MGAT5B: variants seen among roughly 807,000 people sequenced by gnomAD.
The protein encoded by MGAT5B is alpha-1,6-mannosylglycoprotein 6-beta-N-acetylglucosaminyltransferase B.
MGAT5B carries 54 observed loss-of-function variants against 95.1 expected under a neutral mutation model. That is an observed-to-expected ratio of 0.57 (90% confidence interval 0.46 to 0.71). The LOEUF (loss-of-function observed/expected upper bound fraction) is 0.71, where lower values mean the gene tolerates loss of function less well. Ranked by LOEUF, MGAT5B falls within the 30% of genes least tolerant of loss-of-function variation. MGAT5B has a pLI of 0.00. For synonymous variants in MGAT5B, 464 were observed against 451.0 expected (o/e 1.03, Z -0.36); for missense variants, 935 against 1,088.6 (o/e 0.86, Z 1.99).
chr17:76,875,096 A>G (rs985584752), intron 2 of MGAT5B, among the ~76,000 whole-genome samples: 5 of 152,196 alleles, frequency 3.3e-5, no homozygotes, highest in Non-Finnish European at 7.3e-5. Flanking sequence ...CTTCACAGTC[A>G]TTACTCACCC....
In MGAT5B at chr17:76,916,866, C is replaced by A. The variant is rs1330301919; in HGVS notation, c.1026-8100C>A. Among the ~76,000 whole-genome samples the A allele has an allele frequency of 6.6e-6, 1 of 152,090 alleles. No homozygotes were observed. Among genetic ancestry groups the A allele is most frequent in the Non-Finnish European group, 1.5e-5 (1 of 67,998 alleles). ...GTGGCAGTGGACGAGCTTCAGGAAC[C>A]ATCTGTCAGGGAGACTGGAAGGAGC... On this transcript the variant is annotated intron_variant, in intron 8 of 17. Coordinates refer to ENST00000569840, the MANE Select transcript of MGAT5B (RefSeq NM_001199172.2). This position sits in a 1 kb window ranked among gnomAD's most constrained non-coding sequence, Gnocchi z 5.3.
At chr17:76,942,603 T>C (rs1969896490) in intron 15 of MGAT5B, among the ~76,000 whole-genome samples, 1 of 152,168 alleles carries the variant, frequency 6.6e-6, no homozygotes, top group Non-Finnish European at 1.5e-5. Flanking sequence ...ATTTGACTGG[T>C]ACCAGCTTAT....
Position 76,883,201 on chromosome 17 carries a change from T to C in MGAT5B, c.329+903T>C, listed in dbSNP as rs1967500278. On this transcript the variant is annotated intron_variant, in intron 3 of 17. Transcript: ENST00000569840. ...TTTTAGTAGAGATGGGGTTTCACCA[T>C]GTTGGCCAGGCTGGTCTCGAACTCC... Among the ~76,000 whole-genome samples, 3 of 152,014 alleles carry C rather than the reference T, an allele frequency of 2.0e-5. No homozygotes were observed. In the South Asian group the frequency reaches 6.2e-4, roughly 32 times the overall value.
chr17:76,882,235 C>G lies in MGAT5B; in HGVS notation c.266C>G (p.Ala89Gly). 2 of 1,613,638 alleles carry G rather than the reference C, an allele frequency of 1.2e-6. No individual in the cohort carries two copies. The highest frequency in any genetic ancestry group is 1.1e-5 in the South Asian group (1 of 91,048). ...ATGGTGAAGCGCATGGACGCACTGG[C>G]CAGGCTGGAGAACAGCAGTGAGCTG... ...ELMVKRMDALARLENSSELHR... is the reference protein window; with the variant it reads ...ELMVKRMDALGRLENSSELHR... The change falls in exon 3 of 18, where the codon GCC (alanine) becomes GGC (glycine). Residue 89 changes from alanine (A) to glycine (G), a missense_variant. Coordinates refer to ENST00000569840, the MANE Select transcript of MGAT5B (RefSeq NM_001199172.2).
Position 76,925,343 on chromosome 17 carries a change from G to T in MGAT5B, c.1157+246G>T, listed in dbSNP as rs527356463. ...TCCATCACCCCTCTGCTGCTTTGAG[G>T]CTGGGGGCAGGAGGCCGGGGTCATC... On this transcript the variant is annotated intron_variant, in intron 9 of 17. Transcript: ENST00000569840. 9.7e-4 allele frequency among the ~76,000 whole-genome samples: 134 copies of T among 137,772 alleles called. No homozygotes were observed. The Middle Eastern group carries it at 0.01, about 11-fold the overall frequency. 90.4% of individuals were successfully genotyped at this position (137,772 alleles called of 152,430 possible).
At chr17:76,945,855 C>A (rs894579972) in intron 15 of MGAT5B, among the ~76,000 whole-genome samples, 2 of 152,188 alleles carry the variant, frequency 1.3e-5, no homozygotes, top group Non-Finnish European at 2.9e-5. Flanking sequence ...TAGTCCCCAC[C>A]CTCAAGGTGT....
At chr17:76,924,891 G>A in intron 8 of MGAT5B, 75 bp from the exon 9 acceptor site, 2 of 1,557,924 alleles carry the variant, frequency 1.3e-6, no homozygotes, top group Non-Finnish European at 1.8e-6. Flanking sequence ...TTCATTCTGG[G>A]CTCTAAGGAA....
chr17:76,872,350 C>T (rs545215365), intron 1 of MGAT5B, among the ~76,000 whole-genome samples: 1 of 152,332 alleles, frequency 6.6e-6, no homozygotes, highest in Non-Finnish European at 1.5e-5. Flanking sequence ...TCTGGCTGGC[C>T]TCAGGCCCTG....
chr17:76,937,004 G>GTTT (rs11306769), intron 12 of MGAT5B, among the ~76,000 whole-genome samples: 13 of 142,520 alleles, frequency 9.1e-5, no homozygotes, highest in South Asian at 6.7e-4. Context: ...GGATTTCAAT[G>GTTT]TTTTTTTTTT....
chr17:76,901,526 A>G (rs1356862822), intron 3 of MGAT5B, among the ~76,000 whole-genome samples: 2 of 152,216 alleles, frequency 1.3e-5, no homozygotes, highest in African/African-American at 4.8e-5. Context: ...AATACTGCAT[A>G]TGACGGCTAA....
At chr17:76,878,245 C>T (rs1967267863) in intron 2 of MGAT5B, among the ~76,000 whole-genome samples, 1 of 152,078 alleles carries the variant, frequency 6.6e-6, no homozygotes. Context: ...CCTGGTACCC[C>T]GAGGGCTCAT....
In MGAT5B at chr17:76,870,543, C is replaced by T. The variant is rs1248958686; in HGVS notation, c.68+1446C>T. 6.6e-6 allele frequency among the ~76,000 whole-genome samples: 1 copy of T among 152,180 alleles called. No individual in the cohort carries two copies. On this transcript the variant is annotated intron_variant, in intron 1 of 17. Transcript: ENST00000569840. This position sits in a 1 kb window ranked among gnomAD's most constrained non-coding sequence, Gnocchi z 5.0. ...GTTTCCTGGCGCGATTGGAAGCAGC[C>T]GCGAGACCCCAGCACCACGGACAGT...
At chr17:76,902,140 G>A (rs954530150) in intron 3 of MGAT5B, among the ~76,000 whole-genome samples, 2 of 152,164 alleles carry the variant, frequency 1.3e-5, no homozygotes, top group African/African-American at 4.8e-5. Context: ...GCAGATGTGG[G>A]CACCTGTACA....
At position 76,868,980 on chromosome 17, in the gene MGAT5B, A is replaced by ACGGTG; in HGVS notation, c.-47_-43dup. On this transcript the variant is annotated 5_prime_UTR_variant, in exon 1 of 18. Coordinates refer to ENST00000569840, the MANE Select transcript of MGAT5B (RefSeq NM_001199172.2). This position sits in a 1 kb window ranked among gnomAD's most constrained non-coding sequence, Gnocchi z 6.3. The stretch of plus-strand genomic sequence containing the variant: ...GGACGCGGCGAGAGCTGGGCCCAGG[A>ACGGTG]CGGTGCGTCCGGCCTCGCCCGCGGC... 1 of 1,571,134 alleles carries ACGGTG rather than the reference A, an allele frequency of 6.4e-7. No individual in the cohort carries two copies. Among genetic ancestry groups the ACGGTG allele is most frequent in the Non-Finnish European group, 8.8e-7 (1 of 1,141,812 alleles).
At chr17:76,936,822 C>T (rs1042871687) in intron 12 of MGAT5B, among the ~76,000 whole-genome samples, 12 of 152,238 alleles carry the variant, frequency 7.9e-5, no homozygotes, top group African/African-American at 2.6e-4. Context: ...ATGCCAATAC[C>T]ACACTATCTG....
At chr17:76,880,955 C>T (rs539066042) in intron 2 of MGAT5B, among the ~76,000 whole-genome samples, 1 of 152,298 alleles carries the variant, frequency 6.6e-6, no homozygotes, top group South Asian at 2.1e-4. Flanking sequence ...CTCCATTGGG[C>T]CCCTGGACTG....
intron 13 of MGAT5B, among the ~76,000 whole-genome samples, chr17:76,939,497 A>C (rs770696013): frequency 7.3e-6 from 1 of 136,202 alleles, no homozygotes; most frequent in Non-Finnish European, 1.6e-5. Flanking sequence ...CTGGTGACAG[A>C]GCAAGACTCC....
chr17:76,945,454 T>C (rs1970001740), intron 15 of MGAT5B, among the ~76,000 whole-genome samples: 1 of 152,110 alleles, frequency 6.6e-6, no homozygotes, highest in Admixed American at 6.5e-5. Flanking sequence ...CACGCCTAGC[T>C]AATTTTTTTT....
chr17:76,929,220 A>G (rs1969409690), intron 10 of MGAT5B, among the ~76,000 whole-genome samples: 1 of 152,140 alleles, frequency 6.6e-6, no homozygotes, highest in South Asian at 2.1e-4. Context: ...GTGGCCAAAG[A>G]TGATGAAGCA....
Sources: gnomAD v4.1 joint callset for allele counts (sites outside exome capture counted in the v4.1 genomes callset) on GRCh38, gnomAD v4.1.1 for gene constraint, Gnocchi (gnomAD v3.1) non-coding constraint, MANE v1.5 for transcripts, NCBI Gene and HGNC (gene_info 2026-07-23, HGNC 2026-07-21) for gene names.